The following IL12RB2 variants were observed in gnomAD, a reference collection of about 807,000 sequenced individuals.
The protein encoded by IL12RB2 is interleukin-12 receptor subunit beta-2.
A neutral mutation model predicts 89.4 loss-of-function variants in IL12RB2; 82 were observed. The ratio of observed to expected loss-of-function variants is 0.92; its 90% CI spans 0.77 to 1.10. The LOEUF is 1.10. Among genes scored for constraint, IL12RB2 ranks in the 50% least tolerant of loss-of-function variants. The pLI is 0.00. For synonymous variants in IL12RB2, 368 were observed against 370.1 expected (o/e 0.99, Z 0.07); for missense variants, 963 against 1,031.9 (o/e 0.93, Z 0.92).
chr1:67,370,982 C>T (rs1478929990), intron 11 of IL12RB2, among the ~76,000 whole-genome samples: 1 of 152,230 alleles, frequency 6.6e-6, no homozygotes, highest in African/African-American at 2.4e-5. Context: ...ATGGAACTGT[C>T]TGCCTAACGA....
chr1:67,370,100 G>T (rs1465885126), intron 11 of IL12RB2, among the ~76,000 whole-genome samples: 1 of 151,514 alleles, frequency 6.6e-6, no homozygotes, highest in Non-Finnish European at 1.5e-5. Flanking sequence ...GGAAACACTT[G>T]GTTAGCTATT....
chr1:67,366,375 T>C (rs1662668919), intron 10 of IL12RB2, among the ~76,000 whole-genome samples: 1 of 138,486 alleles, frequency 7.2e-6, no homozygotes, highest in African/African-American at 2.8e-5. Context: ...TGCTTGAACC[T>C]GGGAGGCAGA....
intron 8 of IL12RB2, among the ~76,000 whole-genome samples, chr1:67,333,855 A>T (rs1258429166): frequency 6.6e-6 from 1 of 152,248 alleles, no homozygotes; most frequent in Non-Finnish European, 1.5e-5. Context: ...ACCCAGGAAG[A>T]GATGCCAAAA....
chr1:67,320,938 C>A (rs577635033), intron 3 of IL12RB2, among the ~76,000 whole-genome samples: 1 of 150,384 alleles, frequency 6.6e-6, no homozygotes, highest in African/African-American at 2.4e-5. Context: ...CCCCCACCCC[C>A]GTGTCCATGT....
intron 9 of IL12RB2, 26 bp from the exon 10 acceptor site, chr1:67,350,844 T>C (rs753063179): frequency 1.9e-6 from 3 of 1,613,040 alleles, no homozygotes; most frequent in African/African-American, 1.3e-5. Flanking sequence ...TGGGAGTAAA[T>C]AGTGAATAAA....
intron 9 of IL12RB2, among the ~76,000 whole-genome samples, chr1:67,349,939 C>T (rs1278693966): frequency 6.6e-6 from 1 of 152,164 alleles, no homozygotes; most frequent in Non-Finnish European, 1.5e-5. Flanking sequence ...GACAGATAAT[C>T]GACAGAGGAA....
intron 9 of IL12RB2, among the ~76,000 whole-genome samples, chr1:67,342,757 A>AT (rs1236715846): frequency 8.8e-6 from 1 of 113,944 alleles, no homozygotes. Context: ...TTTTAAAATC[A>AT]CACCTTTTTT....
intron 16 of IL12RB2, among the ~76,000 whole-genome samples, chr1:67,394,762 T>C (rs891762488): frequency 6.6e-6 from 1 of 152,102 alleles, no homozygotes; most frequent in Non-Finnish European, 1.5e-5. Flanking sequence ...GGTTCCAAAA[T>C]ACACCAGTCC....
chr1:67,338,699 G>A lies in IL12RB2; in HGVS notation c.1034G>A (p.Trp345Ter). The change falls in exon 9 of 17, where the codon TGG (tryptophan) becomes TAG (stop). Residue 345 changes from tryptophan (W) to a stop codon, truncating the protein, a stop_gained. Transcript: ENST00000674203. LOFTEE classifies it high-confidence loss of function. ...DYSRQQISLF[W>*]KNLSVSEARG... ...AGTAGACAACAGATTTCTCTTTTCT[G>A]GAAGGTGAGTTTTAAGCGTCAACTT... 1 of 1,484,494 alleles carries A rather than the reference G, an allele frequency of 6.7e-7. No individual in the cohort carries two copies. Among genetic ancestry groups the A allele is most frequent in the Non-Finnish European group, 9.4e-7 (1 of 1,061,740 alleles). 92.0% of individuals were successfully genotyped at this position (1,484,494 alleles called of 1,614,324 possible). A position where few individuals can be genotyped will look rare whatever the true frequency, so the allele number is the denominator to read the frequency against.
rs1402932844 is a variant in IL12RB2, at chr1:67,380,028, G to T, written c.1760G>T (p.Ser587Ile). 9 of 1,612,432 alleles carry T rather than the reference G, an allele frequency of 5.6e-6. No homozygotes were observed. Among genetic ancestry groups the T allele is most frequent in the Non-Finnish European group, 7.6e-6 (9 of 1,178,526 alleles). Residue 587 changes from serine (S) to isoleucine (I), a missense_variant, in exon 14 of 17, where the codon AGC becomes ATC. Ser to Ile is a moderately radical substitution (Grantham distance 142). Transcript: ENST00000674203. ...TCCCAAAATTCACATCCAATAAACA[G>T]CCTGCAGCCCCGAGTGACATATGTC... ...RVSQNSHPINSLQPRVTYVLW... is the reference protein window; with the variant it reads ...RVSQNSHPINILQPRVTYVLW...
At chr1:67,390,708 C>A (rs1024430953) in intron 16 of IL12RB2, among the ~76,000 whole-genome samples, 3 of 151,882 alleles carry the variant, frequency 2.0e-5, no homozygotes, top group Admixed American at 2.0e-4. Flanking sequence ...CTGCTGCAGC[C>A]CAGGAAAGAA....
chr1:67,353,529 A>T (rs887905663), intron 10 of IL12RB2, among the ~76,000 whole-genome samples: 12 of 152,254 alleles, frequency 7.9e-5, no homozygotes, highest in Admixed American at 7.9e-4. Context: ...TGATCGCACC[A>T]CTGCACTCCA....
intron 14 of IL12RB2, among the ~76,000 whole-genome samples, chr1:67,383,897 A>C (rs1664867689): frequency 6.6e-6 from 1 of 152,234 alleles, no homozygotes; most frequent in African/African-American, 2.4e-5. Flanking sequence ...ATGCTGATGC[A>C]AGAGGTGGGC....
rs746854358 is a variant in IL12RB2 at position 67,328,223 on chromosome 1, C to G, written c.503C>G (p.Thr168Ser). The G allele has an allele frequency of 4.3e-6, 7 of 1,614,032 alleles. No homozygotes were observed. The South Asian group carries it at 5.5e-5, about 13-fold the overall frequency. The change falls in exon 6 of 17, where the codon ACC (threonine) becomes AGC (serine). Residue 168 changes from threonine to serine, a missense_variant. Thr to Ser is a moderately conservative substitution (Grantham distance 58). Coordinates refer to ENST00000674203, the MANE Select transcript of IL12RB2 (RefSeq NM_001374259.2). ...TLQLSGPKNLTWQKQCKDIYC... is the reference protein window; with the variant it reads ...TLQLSGPKNLSWQKQCKDIYC... The stretch of plus-strand genomic sequence containing the variant: ...AGGCTAAGTGGACCAAAAAATTTAA[C>G]CTGGCAGAAGCAATGTAAAGACATT...
Position 67,363,211 on chromosome 1 carries a change from ATTTT to A in IL12RB2, c.1259-4595_1259-4592del, listed in dbSNP as rs199805464. Among the ~76,000 whole-genome samples, 116 of 97,186 alleles carry A rather than the reference ATTTT, an allele frequency of 1.2e-3. 1 individual carries two copies. The highest frequency in any genetic ancestry group is 2.9e-3 in the African/African-American group (73 of 25,004). 63.8% of individuals were successfully genotyped at this position (97,186 alleles called of 152,430 possible). Reference sequence around the variant, plus strand: ...CCACTGTGCCTGGCCAATTATTCTTATTTTTTTTTTTTTTTTTTTTTTGAGACAG... The same window carrying A: ...CCACTGTGCCTGGCCAATTATTCTTATTTTTTTTTTTTTTTTTTGAGACAG... On this transcript the variant is annotated intron_variant, in intron 10 of 16. Transcript: ENST00000674203.
At chr1:67,324,339 C>G (rs760408584) in intron 4 of IL12RB2, among the ~76,000 whole-genome samples, 1 of 152,188 alleles carries the variant, frequency 6.6e-6, no homozygotes, top group Non-Finnish European at 1.5e-5. Flanking sequence ...TCTTCTGCCT[C>G]AGCCTCCCAA....
intron 16 of IL12RB2, among the ~76,000 whole-genome samples, chr1:67,390,455 C>CTT (rs67532605): frequency 0.2 from 21,524 of 107,350 alleles, 2,533 homozygotes; most frequent in East Asian, 0.44. Context: ...GCAAACTTTC[C>CTT]TTTTTTTTTT....
intron 13 of IL12RB2, 172 bp from the exon 14 acceptor site, chr1:67,379,814 T>A: frequency 3.4e-6 from 2 of 596,774 alleles, no homozygotes; most frequent in Admixed American, 2.9e-5. Context: ...TAAATGACGA[T>A]GTCTAGGGCC....
intron 9 of IL12RB2, among the ~76,000 whole-genome samples, chr1:67,343,584 A>G (rs761749234): frequency 3.3e-5 from 5 of 151,794 alleles, no homozygotes; most frequent in Non-Finnish European, 7.4e-5. Flanking sequence ...TCTCCCTCAA[A>G]CTTCCTTTCT....
Sources: allele counts gnomAD v4.1 joint callset (sites outside exome capture counted in the v4.1 genomes callset), GRCh38; gene constraint gnomAD v4.1.1; transcripts MANE v1.5; gene names NCBI Gene and HGNC (gene_info 2026-07-23, HGNC 2026-07-21).